Variants in CEP290 observed in about 807,000 individuals in gnomAD.
CEP290 encodes the protein centrosomal protein of 290 kDa.
In CEP290, 317 loss-of-function variants were observed where a neutral mutation model predicts 344.9. The observed-to-expected ratio is 0.92, with a 90% confidence interval of 0.84 to 1.01. The LOEUF (loss-of-function observed/expected upper bound fraction) is 1.01. CEP290 is among the 50% of genes least tolerant of loss of function. The pLI is 0.00. For synonymous variants in CEP290, 932 were observed against 895.8 expected (o/e 1.04, Z -0.72); for missense variants, 2,754 against 2,761.4 (o/e 1.00, Z 0.06).
chr12:88,136,833 A>G, intron 5 of CEP290, 47 bp from the exon 6 acceptor site: 1 of 1,546,794 alleles, frequency 6.5e-7, no homozygotes, highest in Non-Finnish European at 8.9e-7. Context: ...TTATATTTTG[A>G]GGTTCAAATG....
intron 49 of CEP290, among the ~76,000 whole-genome samples, chr12:88,055,985 C>G (rs902953769): frequency 5.9e-5 from 9 of 151,738 alleles, no homozygotes; most frequent in African/African-American, 2.2e-4. Context: ...AAATTAATAC[C>G]TTTTTTCAAT....
intron 22 of CEP290, among the ~76,000 whole-genome samples, chr12:88,110,264 G>C (rs975605715): frequency 2.0e-5 from 3 of 152,124 alleles, no homozygotes; most frequent in South Asian, 2.1e-4. Flanking sequence ...AAAAGGATCT[G>C]TCATTAGGAC....
intron 9 of CEP290, among the ~76,000 whole-genome samples, 151 bp from the exon 10 acceptor site, chr12:88,130,027 A>G (rs917781819): frequency 3.3e-5 from 5 of 152,174 alleles, no homozygotes; most frequent in Middle Eastern, 3.4e-3. Flanking sequence ...CAATTAAATC[A>G]AATTGAATCA....
chr12:88,063,726 C>T (rs1459624111), intron 45 of CEP290, among the ~76,000 whole-genome samples: 2 of 152,048 alleles, frequency 1.3e-5, no homozygotes, highest in African/African-American at 4.8e-5. Context: ...TATTGTCAGT[C>T]TTCTCCACTA....
At chr12:88,131,741 G>T (rs1210295339) in intron 6 of CEP290, among the ~76,000 whole-genome samples, 1 of 152,002 alleles carries the variant, frequency 6.6e-6, no homozygotes, top group Non-Finnish European at 1.5e-5. Context: ...TCATTTTAAA[G>T]AATTAAAAAG....
intron 25 of CEP290, chr12:88,103,686 G>T (rs1365541389): frequency 6.6e-6 from 1 of 152,026 alleles, no homozygotes; most frequent in Non-Finnish European, 1.5e-5. Flanking sequence ...GTACAATAAA[G>T]AATGATGAAA....
rs775176042 is a variant in CEP290, at chr12:88,084,835, T to C, written c.4455A>G (p.Glu1485=). The C allele has an allele frequency of 1.9e-6, 3 of 1,566,690 alleles. No homozygotes were observed. Among genetic ancestry groups the C allele is most frequent in the African/African-American group, 1.4e-5 (1 of 72,954 alleles). ...KSLEEKLKEK[E]SALRLAEQNI... is the part of the protein sequence containing the mutation. ...TTTGTTCTGCTAACCTTAAAGCAGA[T>C]TCTTTCTCTTTTAGTTTCTGCAATG... Residue 1485 remains glutamate, a synonymous_variant, in exon 35 of 54, where the codon GAA becomes GAG. Coordinates refer to ENST00000552810, the MANE Select transcript of CEP290 (RefSeq NM_025114.4).
chr12:88,100,269 CA>C (rs1027496923), intron 26 of CEP290, among the ~76,000 whole-genome samples: 24 of 140,666 alleles, frequency 1.7e-4, no homozygotes, highest in East Asian at 4.1e-4. Flanking sequence ...GACTCTGTTT[CA>C]AAAAAAAAAA....
Position 88,079,092 on chromosome 12 carries a change from C to T in CEP290, c.5364G>A (p.Lys1788=). The change falls in exon 39 of 54, where the codon AAG becomes AAA. Residue 1788 remains lysine (K), a splice_region_variant and synonymous_variant. Transcript: ENST00000552810. The part of the protein sequence containing the change: ...QIVDRHTREL[K]TQVEDLNENL... ...TACATTAACACGTGTTGATGTTCAC[C>T]TTTAGCTCTCTAGTATGTCGATCAA... 1 of 1,571,510 alleles carries T rather than the reference C, an allele frequency of 6.4e-7. No individual in the cohort carries two copies. Among genetic ancestry groups the T allele is most frequent in the Non-Finnish European group, 8.6e-7 (1 of 1,165,196 alleles).
At chr12:88,060,193 A>G (rs1453737664) in intron 47 of CEP290, among the ~76,000 whole-genome samples, 173 bp from the exon 48 acceptor site, 2 of 152,250 alleles carry the variant, frequency 1.3e-5, no homozygotes, top group African/African-American at 4.8e-5. Flanking sequence ...CGTTGGCTAC[A>G]TATTAGAATA....
At position 88,080,381 on chromosome 12, in the gene CEP290, T is replaced by G; in HGVS notation, c.5027A>C (p.His1676Pro). Residue 1676 changes from histidine to proline, a missense_variant, in exon 38 of 54, where the codon CAT becomes CCT. Transcript: ENST00000552810. The part of the protein sequence containing the change: ...ENIKLQLQEN[H>P]EDEVKKVKAE... ...TTTTACTTTTTTCACTTCATCTTCA[T>G]GGTTTTCTTGAAGCCTGATGTAAAT... 1 of 1,610,980 alleles carries G rather than the reference T, an allele frequency of 6.2e-7. No homozygotes were observed.
rs747413727 is a variant in CEP290, at chr12:88,062,675, G to A, written c.6357+17C>T. ...ACTGCTGAAACCAAAACAAATGTAT[G>A]GTAAATTCTCACATACCCCTCTAAC... On this transcript the variant is annotated intron_variant, in intron 46 of 53. Transcript: ENST00000552810. 2.6e-6 allele frequency: 4 copies of A among 1,558,920 alleles called. No homozygotes were observed. Among genetic ancestry groups the A allele is most frequent in the Non-Finnish European group, 2.6e-6 (3 of 1,136,334 alleles).
At chr12:88,116,469 T>C (rs914672871) in intron 18 of CEP290, among the ~76,000 whole-genome samples, 1 of 152,180 alleles carries the variant, frequency 6.6e-6, no homozygotes, top group African/African-American at 2.4e-5. Context: ...CTCATTCTGA[T>C]CTGACTGTGG....
In CEP290 at chr12:88,098,441, C is replaced by G. The variant is rs1405037630; in HGVS notation, c.2992-1442G>C. On this transcript the variant is annotated intron_variant, in intron 26 of 53. Transcript: ENST00000552810. ...CCTGGGCAACAAAGTGAGACCTCAT[C>G]TCTACAAAAAAACACAAAAAATTAG... is the stretch of plus-strand genomic sequence containing the variant. 2.0e-5 allele frequency among the ~76,000 whole-genome samples: 3 copies of G among 152,048 alleles called. No homozygotes were observed. In the East Asian group the frequency reaches 5.8e-4, roughly 29 times the overall value.
At position 88,103,027 on chromosome 12, in the gene CEP290, T is replaced by C. The variant is rs1475708127; in HGVS notation, c.2818-16A>G. Reference sequence around the variant, plus strand: ...TGGCCATTTCCTATGTAAATAAAGATACACTGAGTTATGCTGGTGTCTTTT... The same window carrying C: ...TGGCCATTTCCTATGTAAATAAAGACACACTGAGTTATGCTGGTGTCTTTT... On this transcript the variant is annotated splice_polypyrimidine_tract_variant and intron_variant, in intron 25 of 53. Coordinates refer to ENST00000552810, the MANE Select transcript of CEP290 (RefSeq NM_025114.4). 1.3e-6 allele frequency: 2 copies of C among 1,503,056 alleles called. No individual in the cohort carries two copies. Among genetic ancestry groups the C allele is most frequent in the Non-Finnish European group, 1.8e-6 (2 of 1,132,234 alleles). The allele number at this position is 1,503,056 out of a possible 1,614,324, so 93.1% of individuals were successfully genotyped here. A position where few individuals can be genotyped will look rare whatever the true frequency, so the allele number is the denominator to read the frequency against.
chr12:88,098,609 CA>C (rs34122000), intron 26 of CEP290, among the ~76,000 whole-genome samples: 129 of 136,128 alleles, frequency 9.5e-4, no homozygotes, highest in Middle Eastern at 3.7e-3. Context: ...GACCCTGACT[CA>C]AAAAAAAAAA....
At chr12:88,083,602 T>C (rs1373607758) in intron 36 of CEP290, among the ~76,000 whole-genome samples, 1 of 152,082 alleles carries the variant, frequency 6.6e-6, no homozygotes. Context: ...AAACTCACAG[T>C]GAGTAGAATT....
chr12:88,093,922 C>T lies in CEP290; in HGVS notation c.3157G>A (p.Val1053Ile). Residue 1053 changes from valine to isoleucine, a missense_variant, in exon 28 of 54, where the codon GTT becomes ATT. Transcript: ENST00000552810. ...ATAGTTATTTTTTTTGAAATGGAAACAATGTCACTGTTGGTTATTGATTTC... is the reference window on the plus strand; with the variant it reads ...ATAGTTATTTTTTTTGAAATGGAAATAATGTCACTGTTGGTTATTGATTTC... ...AKKSITNSDI[V>I]SISKKITMLE... is the part of the protein sequence containing the mutation. 1 of 1,612,502 alleles carries T rather than the reference C, an allele frequency of 6.2e-7. No homozygotes were observed. The highest frequency in any genetic ancestry group is 8.5e-7 in the Non-Finnish European group (1 of 1,179,328).
chr12:88,070,774 A>G (rs925712735), intron 43 of CEP290, among the ~76,000 whole-genome samples: 2 of 152,130 alleles, frequency 1.3e-5, no homozygotes, highest in Non-Finnish European at 2.9e-5. Context: ...AGAGATGGCA[A>G]AGAGGGAGGA....
Sources: allele counts gnomAD v4.1 joint callset (sites outside exome capture counted in the v4.1 genomes callset), GRCh38; gene constraint gnomAD v4.1.1; transcripts MANE v1.5; gene names NCBI Gene and HGNC (gene_info 2026-07-23, HGNC 2026-07-21).